The following STXBP5 variants were observed in gnomAD, a reference collection of about 807,000 sequenced individuals.
STXBP5 encodes the protein syntaxin-binding protein 5.
STXBP5 carries 50 observed loss-of-function variants against 152.4 expected under a neutral mutation model. The ratio of observed to expected loss-of-function variants is 0.33; its 90% CI spans 0.26 to 0.42. STXBP5 has a LOEUF of 0.42. Ranked by LOEUF, STXBP5 falls within the 10% of genes least tolerant of loss-of-function variation. The probability of loss-of-function intolerance (pLI) is 1.00; values close to 1 mark genes in which losing one functional copy is unlikely to be tolerated. For missense variants in STXBP5, 1,167 were observed against 1,388.6 expected (o/e 0.84, Z 2.54); for synonymous variants, 492 against 494.7 (o/e 0.99, Z 0.07).
At chr6:147,363,144 A>G (rs1785139835) in intron 23 of STXBP5, among the ~76,000 whole-genome samples, 191 bp from the exon 24 acceptor site, 1 of 152,224 alleles carries the variant, frequency 6.6e-6, no homozygotes, top group African/African-American at 2.4e-5. Context: ...TATTTGGAGC[A>G]TGTAAGTTGA....
At chr6:147,265,830 C>T (rs554108184) in intron 6 of STXBP5, among the ~76,000 whole-genome samples, 3 of 151,760 alleles carry the variant, frequency 2.0e-5, no homozygotes, top group Non-Finnish European at 4.4e-5. Flanking sequence ...ATCCTTGCCC[C>T]GATATCCCGG....
chr6:147,238,986 T>C (rs1362072394), intron 3 of STXBP5, among the ~76,000 whole-genome samples, 184 bp from the exon 4 acceptor site: 1 of 152,238 alleles, frequency 6.6e-6, no homozygotes, highest in Non-Finnish European at 1.5e-5. Context: ...TTTACATGCA[T>C]GTAATACACG....
At chr6:147,330,707 G>T (rs1783525312) in intron 18 of STXBP5, among the ~76,000 whole-genome samples, 2 of 152,130 alleles carry the variant, frequency 1.3e-5, no homozygotes, top group South Asian at 4.1e-4. Context: ...GCAGCCTGTT[G>T]ACATAATGTT....
At chr6:147,287,355 A>G (rs941112049) in intron 8 of STXBP5, among the ~76,000 whole-genome samples, 8 of 150,830 alleles carry the variant, frequency 5.3e-5, no homozygotes, top group Non-Finnish European at 1.0e-4. Flanking sequence ...GGCGCCCGCC[A>G]CTACGCCCGG....
At chr6:147,377,887 G>A (rs1480393710) in intron 26 of STXBP5, among the ~76,000 whole-genome samples, 6 of 151,348 alleles carry the variant, frequency 4.0e-5, no homozygotes, top group Admixed American at 1.3e-4. Context: ...AACGAAGCAC[G>A]AAAAAAGAAA....
At chr6:147,351,335 G>T (rs1243485861) in intron 21 of STXBP5, among the ~76,000 whole-genome samples, 1 of 152,132 alleles carries the variant, frequency 6.6e-6, no homozygotes, top group Non-Finnish European at 1.5e-5. Context: ...TAGAGAGGCG[G>T]CATCCATATC....
chr6:147,277,992 TTAAAAA>T, intron 7 of STXBP5, 83 bp from the exon 8 acceptor site: 2 of 1,225,138 alleles, frequency 1.6e-6, no homozygotes, highest in East Asian at 2.6e-5. Context: ...TAAAGAAAAG[TTAAAAA>T]TGAAAATTAA....
chr6:147,323,043 C>T (rs1355971177), intron 16 of STXBP5, among the ~76,000 whole-genome samples: 1 of 152,028 alleles, frequency 6.6e-6, no homozygotes, highest in African/African-American at 2.4e-5. Flanking sequence ...CTAAAACTAC[C>T]TCTTTATCCC....
chr6:147,307,615 A>G (rs928606284), intron 9 of STXBP5, among the ~76,000 whole-genome samples: 1 of 152,210 alleles, frequency 6.6e-6, no homozygotes, highest in Non-Finnish European at 1.5e-5. Context: ...GAAAAAACAT[A>G]TAACCTGTGA....
In STXBP5 at chr6:147,223,580, C is replaced by A. The variant is rs1018242211; in HGVS notation, c.249-11670C>A. ...GGTAATGCTTAATTATACTTATGTC[C>A]ACAAGGTTTCCCAGTGTTTCTCAAC... On this transcript the variant is annotated intron_variant, in intron 2 of 27. Coordinates refer to ENST00000321680, the MANE Select transcript of STXBP5 (RefSeq NM_001127715.4). 2.6e-5 allele frequency among the ~76,000 whole-genome samples: 4 copies of A among 152,072 alleles called. No individual in the cohort carries two copies. In the East Asian group the frequency reaches 7.7e-4, roughly 29 times the overall value.
chr6:147,224,559 A>C (rs1343937919), intron 2 of STXBP5, among the ~76,000 whole-genome samples: 1 of 152,264 alleles, frequency 6.6e-6, no homozygotes, highest in Non-Finnish European at 1.5e-5. Flanking sequence ...AGAAAACTAC[A>C]GCACAGTTAG....
rs1019186535 is a variant in STXBP5 at position 147,389,487 on chromosome 6, C to A, written c.*4732C>A. 1 of 151,784 alleles carries A rather than the reference C, an allele frequency of 6.6e-6. No homozygotes were observed. The highest frequency in any genetic ancestry group is 1.5e-5 in the Non-Finnish European group (1 of 67,778). The allele number at this position is 151,784 out of a possible 1,614,324, so 9.4% of individuals were successfully genotyped here. A position where few individuals can be genotyped will look rare whatever the true frequency, so the allele number is the denominator to read the frequency against. On this transcript the variant is annotated 3_prime_UTR_variant, in exon 28 of 28. Transcript: ENST00000321680. ...TAGTCCAGGGCTACATGTAAGTGGT[C>A]TCTTTATTTTATTCTTTACATCAGA...
chr6:147,330,591 T>C (rs1047703051), intron 18 of STXBP5, among the ~76,000 whole-genome samples: 4 of 152,268 alleles, frequency 2.6e-5, no homozygotes, highest in South Asian at 2.1e-4. Flanking sequence ...TATGTGCATA[T>C]AGAAAATAGA....
intron 1 of STXBP5, among the ~76,000 whole-genome samples, chr6:147,205,373 T>C (rs1168106276): frequency 2.3e-5 from 1 of 44,154 alleles, no homozygotes; most frequent in Non-Finnish European, 5.1e-5. Flanking sequence ...AAAGTGTGCA[T>C]ATATATATAT....
intron 23 of STXBP5, among the ~76,000 whole-genome samples, chr6:147,359,717 T>A (rs1223948165): frequency 6.6e-6 from 1 of 150,954 alleles, no homozygotes; most frequent in Non-Finnish European, 1.5e-5. Context: ...GGTGTTTGGT[T>A]TTTTGTTCTT....
intron 9 of STXBP5, among the ~76,000 whole-genome samples, chr6:147,296,423 C>T (rs1781529604): frequency 6.6e-6 from 1 of 152,038 alleles, no homozygotes; most frequent in Admixed American, 6.6e-5. Flanking sequence ...ATCATGTCTC[C>T]ACCCAGAACC....
Position 147,205,966 on chromosome 6 carries a change from C to G in STXBP5, c.151-5C>G. The G allele has an allele frequency of 6.2e-7, 1 of 1,613,578 alleles. No homozygotes were observed. Among genetic ancestry groups the G allele is most frequent in the Non-Finnish European group, 8.5e-7 (1 of 1,179,522 alleles). On this transcript the variant is annotated splice_region_variant and splice_polypyrimidine_tract_variant and intron_variant, in intron 1 of 27. Transcript: ENST00000321680. ...GTTGCTGTGATGTCACTTGCCCATC[C>G]CTAGACTGTTCGCCATGGATTTCCC...
chr6:147,208,872 TA>T (rs1168094649), intron 2 of STXBP5, among the ~76,000 whole-genome samples: 5 of 152,148 alleles, frequency 3.3e-5, no homozygotes, highest in African/African-American at 1.2e-4. Context: ...CTTAATCCTT[TA>T]ATAATACATA....
intron 9 of STXBP5, among the ~76,000 whole-genome samples, chr6:147,306,507 T>C (rs547256849): frequency 1.4e-4 from 21 of 152,332 alleles, no homozygotes; most frequent in African/African-American, 5.0e-4. Flanking sequence ...AACTGAATGC[T>C]ATCATACAAA....
Sources: gnomAD v4.1 joint callset for allele counts (sites outside exome capture counted in the v4.1 genomes callset) on GRCh38, gnomAD v4.1.1 for gene constraint, MANE v1.5 for transcripts, NCBI Gene and HGNC (gene_info 2026-07-23, HGNC 2026-07-21) for gene names.